KCNN2: variants seen among roughly 807,000 people sequenced by gnomAD.
KCNN2 encodes the protein potassium calcium-activated channel subfamily N member 2, also known as small conductance calcium-activated potassium channel protein 2.
Under a neutral mutation model 55.5 loss-of-function variants are expected in KCNN2, and 24 were observed. The ratio of observed to expected loss-of-function variants is 0.43; its 90% CI spans 0.31 to 0.61. The LOEUF (loss-of-function observed/expected upper bound fraction) is 0.61. KCNN2 is among the 20% of genes least tolerant of loss of function. The probability of loss-of-function intolerance (pLI) is 0.08; values close to 1 mark genes in which losing one functional copy is unlikely to be tolerated. For synonymous variants in KCNN2, 431 were observed against 336.1 expected (o/e 1.28, Z -3.09); for missense variants, 754 against 853.6 (o/e 0.88, Z 1.45).
chr5:114,368,464 G>A (rs1757669044), intron 2 of KCNN2, among the ~76,000 whole-genome samples: 1 of 151,948 alleles, frequency 6.6e-6, no homozygotes, highest in Admixed American at 6.6e-5. Flanking sequence ...TGAGGGTGGG[G>A]GCCTCACCTG....
At chr5:114,101,068 A>T (rs1751364453) in intron 1 of KCNN2, among the ~76,000 whole-genome samples, 1 of 151,924 alleles carries the variant, frequency 6.6e-6, no homozygotes, top group African/African-American at 2.4e-5. Context: ...TATAACTTTT[A>T]TTTCTTATGG....
intron 1 of KCNN2, among the ~76,000 whole-genome samples, chr5:114,058,041 C>G (rs1750247759): frequency 1.3e-5 from 2 of 152,120 alleles, no homozygotes; most frequent in African/African-American, 4.8e-5. Flanking sequence ...AACAGTTCAA[C>G]TTGCTTTTAG....
chr5:114,432,184 A>G (rs1759818573), intron 3 of KCNN2, among the ~76,000 whole-genome samples: 1 of 152,220 alleles, frequency 6.6e-6, no homozygotes, highest in African/African-American at 2.4e-5. Flanking sequence ...ATCTCCAACT[A>G]TGATAGTGGA....
chr5:114,334,678 A>C, intron 2 of KCNN2, among the ~76,000 whole-genome samples: 1 of 152,214 alleles, frequency 6.6e-6, no homozygotes, highest in Non-Finnish European at 1.5e-5. Context: ...TACATTCCAA[A>C]CACTTAAAAA....
intron 1 of KCNN2, among the ~76,000 whole-genome samples, chr5:114,083,397 C>A (rs1011657463): frequency 1.1e-4 from 17 of 151,688 alleles, no homozygotes; most frequent in Non-Finnish European, 2.5e-4. Flanking sequence ...CTGTAAATTT[C>A]CCCTCTAAAT....
chr5:114,191,522 G>A (rs913419974), intron 1 of KCNN2, among the ~76,000 whole-genome samples: 10 of 152,196 alleles, frequency 6.6e-5, no homozygotes, highest in African/African-American at 1.7e-4. Context: ...GAAGTGGTTC[G>A]TTTAAGTAAT....
At chr5:114,189,796 C>T (rs1032887093) in intron 1 of KCNN2, among the ~76,000 whole-genome samples, 1 of 152,234 alleles carries the variant, frequency 6.6e-6, no homozygotes, top group East Asian at 1.9e-4. Flanking sequence ...AAGATACGCA[C>T]ACATACATGG....
intron 2 of KCNN2, among the ~76,000 whole-genome samples, chr5:114,401,709 A>G (rs1758792359): frequency 6.6e-6 from 1 of 152,146 alleles, no homozygotes; most frequent in Non-Finnish European, 1.5e-5. Flanking sequence ...AAGGAATACA[A>G]ATTTGCTAGA....
chr5:114,377,214 T>C (rs1187890859), intron 2 of KCNN2, among the ~76,000 whole-genome samples: 2 of 152,150 alleles, frequency 1.3e-5, no homozygotes, highest in Non-Finnish European at 2.9e-5. Context: ...ACCTCTCCCT[T>C]TTTTGGCCTC....
At chr5:114,170,371 A>G (rs923561048) in intron 1 of KCNN2, among the ~76,000 whole-genome samples, 2 of 152,070 alleles carry the variant, frequency 1.3e-5, no homozygotes, top group Non-Finnish European at 2.9e-5. Context: ...TTGAGATTTT[A>G]TTAAGGCAAT....
chr5:114,409,964 A>G (rs1198209051), intron 3 of KCNN2, among the ~76,000 whole-genome samples: 1 of 152,154 alleles, frequency 6.6e-6, no homozygotes, highest in Non-Finnish European at 1.5e-5. Flanking sequence ...GTTAATAAGC[A>G]GCTTCCCCAG....
At chr5:114,311,824 T>G (rs1756395812) in intron 2 of KCNN2, among the ~76,000 whole-genome samples, 1 of 152,176 alleles carries the variant, frequency 6.6e-6, no homozygotes, top group Non-Finnish European at 1.5e-5. Flanking sequence ...TTTGAAAGAT[T>G]GGACCAGTTA....
chr5:114,224,282 A>G (rs1754200317), intron 2 of KCNN2, among the ~76,000 whole-genome samples: 1 of 152,192 alleles, frequency 6.6e-6, no homozygotes, highest in Non-Finnish European at 1.5e-5. Context: ...CTTCTCTATT[A>G]TTATTTCATC....
intron 6 of KCNN2, among the ~76,000 whole-genome samples, chr5:114,491,572 G>C (rs1295710823): frequency 2.1e-5 from 3 of 146,042 alleles, no homozygotes; most frequent in South Asian, 4.3e-4. Context: ...GATAAAGACA[G>C]AGTAGGACCA....
chr5:114,455,123 T>C (rs1204037282), intron 3 of KCNN2, among the ~76,000 whole-genome samples: 1 of 152,194 alleles, frequency 6.6e-6, no homozygotes, highest in Non-Finnish European at 1.5e-5. Context: ...CACACAGGCT[T>C]ACCTCATTTT....
chr5:114,084,503 T>G (rs1260630620), intron 1 of KCNN2, among the ~76,000 whole-genome samples: 1 of 152,078 alleles, frequency 6.6e-6, no homozygotes, highest in African/African-American at 2.4e-5. Context: ...TTTTTCTTAT[T>G]TTTAAATTGG....
At chr5:114,126,000 A>G (rs1751923236) in intron 1 of KCNN2, among the ~76,000 whole-genome samples, 1 of 152,052 alleles carries the variant, frequency 6.6e-6, no homozygotes, top group African/African-American at 2.4e-5. Context: ...TATCCTTCCT[A>G]TGTTCTGTTG....
intron 1 of KCNN2, among the ~76,000 whole-genome samples, chr5:114,147,584 C>T (rs569732375): frequency 2.4e-4 from 36 of 152,276 alleles, no homozygotes; most frequent in African/African-American, 8.2e-4. Flanking sequence ...ATATGAGAGA[C>T]TTGTCCCTCT....
chr5:114,492,615 C>T (rs1747914831), intron 6 of KCNN2, among the ~76,000 whole-genome samples: 2 of 151,440 alleles, frequency 1.3e-5, no homozygotes, highest in South Asian at 2.1e-4. Context: ...TTTTTAATAC[C>T]GTTTTTTGAC....
Sources: gnomAD v4.1 joint callset for allele counts (sites outside exome capture counted in the v4.1 genomes callset) on GRCh38, gnomAD v4.1.1 for gene constraint, MANE v1.5 for transcripts, NCBI Gene and HGNC (gene_info 2026-07-23, HGNC 2026-07-21) for gene names.